The following LMBR1 variants were observed in gnomAD, a reference collection of about 807,000 sequenced individuals.
LMBR1 encodes limb region 1 protein homolog.
In LMBR1, 52 loss-of-function variants were observed where a neutral mutation model predicts 73.9. That is an observed-to-expected ratio of 0.70 (90% CI 0.56 to 0.89). The LOEUF is 0.89. LMBR1 is among the 40% of genes least tolerant of loss of function. LMBR1 has a pLI of 0.00. For synonymous variants in LMBR1, 215 were observed against 209.4 expected, an observed-to-expected ratio of 1.03 and a Z score of -0.23; for missense variants, 539 against 579.8, an observed-to-expected ratio of 0.93 and a Z score of 0.72.
At chr7:156,817,805 T>C (rs531435792) in intron 4 of LMBR1, among the ~76,000 whole-genome samples, 2 of 152,350 alleles carry the variant, frequency 1.3e-5, no homozygotes, top group African/African-American at 4.8e-5. Flanking sequence ...CCTACACATG[T>C]ACTCTTTTTT....
intron 1 of LMBR1, among the ~76,000 whole-genome samples, chr7:156,874,343 C>T (rs900456003): frequency 5.3e-5 from 8 of 152,236 alleles, no homozygotes; most frequent in Non-Finnish European, 1.2e-4. Flanking sequence ...CCAGCTGGCC[C>T]GCAAGCGCCA....
chr7:156,756,815 ATTGT>A (rs749565050), intron 8 of LMBR1, among the ~76,000 whole-genome samples: 44 of 151,930 alleles, frequency 2.9e-4, no homozygotes, highest in Admixed American at 9.8e-4. Context: ...TTTTTTTATT[ATTGT>A]TTGTTTGTTT....
chr7:156,829,543 G>C (rs190007394), intron 3 of LMBR1, among the ~76,000 whole-genome samples: 8 of 127,542 alleles, frequency 6.3e-5, no homozygotes, highest in African/African-American at 2.1e-4. Flanking sequence ...GCAGATGGCA[G>C]TGTCATGCTT....
At chr7:156,705,462 G>A (rs966983301) in intron 15 of LMBR1, among the ~76,000 whole-genome samples, 9 of 152,176 alleles carry the variant, frequency 5.9e-5, no homozygotes, top group Non-Finnish European at 1.3e-4. Context: ...GGGAGGCTGA[G>A]GTGGAAGGAC....
chr7:156,738,102 G>A (rs1453122582), intron 9 of LMBR1, among the ~76,000 whole-genome samples: 1 of 152,190 alleles, frequency 6.6e-6, no homozygotes, highest in East Asian at 1.9e-4. Context: ...GCCTTGAACT[G>A]CCGATGCCAA....
At chr7:156,816,644 C>G (rs1050978148) in intron 4 of LMBR1, among the ~76,000 whole-genome samples, 1 of 152,010 alleles carries the variant, frequency 6.6e-6, no homozygotes, top group Non-Finnish European at 1.5e-5. Context: ...ACTCAACTTA[C>G]GCTAATCTAA....
chr7:156,744,092 A>G (rs1363951224), intron 9 of LMBR1, among the ~76,000 whole-genome samples: 1 of 152,120 alleles, frequency 6.6e-6, no homozygotes, highest in Non-Finnish European at 1.5e-5. Context: ...TTTAAGAGAC[A>G]GGGTCTCACT....
intron 1 of LMBR1, among the ~76,000 whole-genome samples, chr7:156,848,060 C>T (rs1258496348): frequency 2.0e-5 from 3 of 148,194 alleles, no homozygotes; most frequent in Non-Finnish European, 4.5e-5. Context: ...GATCATTCAA[C>T]ACTAAAAAAA....
At chr7:156,765,991 T>C (rs1824009318) in intron 5 of LMBR1, among the ~76,000 whole-genome samples, 4 of 152,198 alleles carry the variant, frequency 2.6e-5, no homozygotes, top group African/African-American at 9.7e-5. Context: ...GTAACAATAA[T>C]TTTTAGGATG....
intron 1 of LMBR1, among the ~76,000 whole-genome samples, chr7:156,874,712 G>C (rs866690350): frequency 1.3e-5 from 2 of 152,152 alleles, no homozygotes; most frequent in Non-Finnish European, 2.9e-5. Flanking sequence ...ACTGCAGCTC[G>C]GCCCTCAGGA....
In LMBR1 at chr7:156,707,699, G is replaced by T. The variant is rs181964685; in HGVS notation, c.1225+16413C>A. On this transcript the variant is annotated intron_variant, in intron 15 of 16. Coordinates refer to ENST00000353442, the MANE Select transcript of LMBR1 (RefSeq NM_022458.4). ...ATGACGAAAGCCCTCCACAGATTAAGCATGCAAAGAGCATACTTCAAAATA... is the reference window on the plus strand; with the variant it reads ...ATGACGAAAGCCCTCCACAGATTAATCATGCAAAGAGCATACTTCAAAATA... 1.2e-3 allele frequency among the ~76,000 whole-genome samples: 190 copies of T among 152,222 alleles called. 1 individual carries two copies. The highest frequency in any genetic ancestry group is 4.4e-3 in the African/African-American group (182 of 41,544).
intron 5 of LMBR1, among the ~76,000 whole-genome samples, chr7:156,768,129 T>C (rs1824462817): frequency 6.6e-6 from 1 of 152,188 alleles, no homozygotes; most frequent in Non-Finnish European, 1.5e-5. Flanking sequence ...CTCACACCTG[T>C]AATCCCAGCA....
intron 1 of LMBR1, among the ~76,000 whole-genome samples, chr7:156,864,354 T>A (rs1367423906): frequency 6.6e-6 from 1 of 152,162 alleles, no homozygotes; most frequent in South Asian, 2.1e-4. Flanking sequence ...GCAGCCTATA[T>A]GATAATTGTA....
intron 4 of LMBR1, among the ~76,000 whole-genome samples, chr7:156,671,720 C>T (rs140887490): frequency 1.6e-3 from 243 of 150,986 alleles, no homozygotes; most frequent in African/African-American, 5.2e-3. Context: ...TTTTTCAGCC[C>T]GTGTCCCTCC....
chr7:156,698,706 C>T (rs1004373840), intron 15 of LMBR1, among the ~76,000 whole-genome samples: 5 of 152,286 alleles, frequency 3.3e-5, no homozygotes, highest in African/African-American at 9.6e-5. Flanking sequence ...GACCCTGGGT[C>T]CAGCCCCATG....
intron 1 of LMBR1, among the ~76,000 whole-genome samples, chr7:156,856,222 GTAGA>G (rs59069931): frequency 1.7e-4 from 26 of 151,806 alleles, no homozygotes; most frequent in East Asian, 3.9e-4. Flanking sequence ...AGACAGATAG[GTAGA>G]TAGATAGATA....
At chr7:156,687,138 C>T (rs915694786) in intron 16 of LMBR1, among the ~76,000 whole-genome samples, 2 of 152,166 alleles carry the variant, frequency 1.3e-5, no homozygotes, top group Non-Finnish European at 2.9e-5. Flanking sequence ...CTGCTCATAT[C>T]GTTTAAGTTA....
At chr7:156,781,184 G>T (rs1345602050) in intron 5 of LMBR1, among the ~76,000 whole-genome samples, 1 of 152,150 alleles carries the variant, frequency 6.6e-6, no homozygotes, top group Non-Finnish European at 1.5e-5. Context: ...AAACATAAAA[G>T]ATATTAAGTT....
At chr7:156,887,331 C>T (rs374450353) in intron 1 of LMBR1, among the ~76,000 whole-genome samples, 5 of 152,048 alleles carry the variant, frequency 3.3e-5, no homozygotes, top group East Asian at 1.9e-4. Context: ...GGTGTGGTGA[C>T]GCTCGCCTGT....
Sources: allele counts gnomAD v4.1 joint callset (sites outside exome capture counted in the v4.1 genomes callset), GRCh38; gene constraint gnomAD v4.1.1; transcripts MANE v1.5; gene names NCBI Gene and HGNC (gene_info 2026-07-23, HGNC 2026-07-21).